The following ADK variants were observed in gnomAD, a reference collection of about 807,000 sequenced individuals.
ADK encodes adenosine kinase.
A neutral mutation model predicts 44.7 loss-of-function variants in ADK; 24 were observed. The observed-to-expected ratio is 0.54, with a 90% CI of 0.39 to 0.76. The LOEUF is 0.76. Among genes scored for constraint, ADK ranks in the 30% least tolerant of loss-of-function variants. ADK has a pLI of 0.00. For missense variants in ADK, 321 were observed against 425.1 expected (o/e 0.76, Z 2.15); for synonymous variants, 128 against 142.6 (o/e 0.90, Z 0.73).
intron 10 of ADK, among the ~76,000 whole-genome samples, chr10:74,685,649 CAT>C (rs1402015684): frequency 1.3e-5 from 2 of 152,116 alleles, no homozygotes; most frequent in South Asian, 2.1e-4. Context: ...AAACAGAAAA[CAT>C]AAAGGATATG....
chr10:74,415,992 A>G (rs1844355019), intron 6 of ADK, among the ~76,000 whole-genome samples: 1 of 149,862 alleles, frequency 6.7e-6, no homozygotes, highest in Non-Finnish European at 1.5e-5. Context: ...ATATATAAAT[A>G]TATATATACA....
intron 3 of ADK, among the ~76,000 whole-genome samples, chr10:74,301,358 C>G (rs571931268): frequency 3.2e-4 from 48 of 151,590 alleles, no homozygotes; most frequent in Admixed American, 1.7e-3. Flanking sequence ...ACTAAAAATA[C>G]AAAAAATTAG....
intron 6 of ADK, among the ~76,000 whole-genome samples, chr10:74,518,845 A>C (rs550814436): frequency 6.6e-6 from 1 of 152,168 alleles, no homozygotes; most frequent in South Asian, 2.1e-4. Context: ...TATTGATTTA[A>C]TGTAGGTTAT....
At chr10:74,406,311 CTAATA>C (rs1299278474) in intron 6 of ADK, among the ~76,000 whole-genome samples, 1 of 151,970 alleles carries the variant, frequency 6.6e-6, no homozygotes, top group African/African-American at 2.4e-5. Context: ...TCCCTCTTAC[CTAATA>C]TGTCTTTTAA....
rs577367061 is a variant in ADK at position 74,333,446 on chromosome 10, A to C, written c.273+18701A>C. Among the ~76,000 whole-genome samples the C allele has an allele frequency of 5.3e-5, 8 of 152,296 alleles. No individual in the cohort carries two copies. In the South Asian group the frequency reaches 1.4e-3, roughly 28 times the overall value. On this transcript the variant is annotated intron_variant, in intron 4 of 10. Coordinates refer to ENST00000539909, the MANE Select transcript of ADK (RefSeq NM_006721.4). ...ATTTTGCTGCCTCCCATGTAACATA[A>C]AACAGATGTTCCATTCTATTAGAAC...
In ADK at chr10:74,640,751, A is replaced by T. The variant is rs1479595237; in HGVS notation, c.878-29432A>T. ...ATGGGTGTGGCTGTATTCCAATAAA[A>T]CTCTATTTATAAAAATAGGCAGCTA... On this transcript the variant is annotated intron_variant, in intron 9 of 10. Coordinates refer to ENST00000539909, the MANE Select transcript of ADK (RefSeq NM_006721.4). 2.0e-5 allele frequency among the ~76,000 whole-genome samples: 3 copies of T among 151,962 alleles called. No individual in the cohort carries two copies. In the East Asian group the frequency reaches 5.8e-4, roughly 29 times the overall value.
Position 74,493,652 on chromosome 10 carries a change from C to G in ADK, c.556-31604C>G, listed in dbSNP as rs146918473. Reference sequence around the variant, plus strand: ...ACCCACCTCAGCCTCCCAAATAATACATTGATTTGGGACAATTCTTAGCAC... The same window carrying G: ...ACCCACCTCAGCCTCCCAAATAATAGATTGATTTGGGACAATTCTTAGCAC... On this transcript the variant is annotated intron_variant, in intron 6 of 10. Transcript: ENST00000539909. 2.0e-5 allele frequency among the ~76,000 whole-genome samples: 3 copies of G among 151,978 alleles called. 1 individual carries two copies. The highest frequency in any genetic ancestry group is 4.2e-4 in the South Asian group (2 of 4,812).
intron 8 of ADK, among the ~76,000 whole-genome samples, chr10:74,597,230 C>T (rs1851955700): frequency 6.6e-6 from 1 of 152,160 alleles, no homozygotes; most frequent in East Asian, 1.9e-4. Flanking sequence ...CATCTTCTTT[C>T]ATCCTCACAA....
intron 10 of ADK, among the ~76,000 whole-genome samples, chr10:74,703,924 G>A (rs1264537097): frequency 6.6e-6 from 1 of 152,200 alleles, no homozygotes; most frequent in Admixed American, 6.5e-5. Flanking sequence ...CACCTGGGTA[G>A]ATGATATGCA....
intron 7 of ADK, among the ~76,000 whole-genome samples, chr10:74,562,729 C>T (rs1367938197): frequency 2.6e-5 from 4 of 152,106 alleles, no homozygotes; most frequent in Admixed American, 6.5e-5. Flanking sequence ...ATTTAGGATC[C>T]TTTTTAATAT....
At chr10:74,630,625 G>A (rs972745656) in intron 9 of ADK, among the ~76,000 whole-genome samples, 4 of 151,998 alleles carry the variant, frequency 2.6e-5, no homozygotes, top group African/African-American at 4.8e-5. Flanking sequence ...AATTAGCCTC[G>A]ATAGTAGTGA....
At position 74,619,181 on chromosome 10, in the gene ADK, C is replaced by G. The variant is rs1168236011; in HGVS notation, c.877+18688C>G. Among the ~76,000 whole-genome samples, 4 of 152,018 alleles carry G rather than the reference C, an allele frequency of 2.6e-5. No homozygotes were observed. The East Asian group carries it at 5.8e-4, about 22-fold the overall frequency. ...TTCAAAACATCCAGTGAGGCTGGGT[C>G]CAGTGGCTCATGCCTGTAATCCCAG... On this transcript the variant is annotated intron_variant, in intron 9 of 10. Coordinates refer to ENST00000539909, the MANE Select transcript of ADK (RefSeq NM_006721.4).
At chr10:74,639,167 A>G (rs1368405362) in intron 9 of ADK, among the ~76,000 whole-genome samples, 1 of 152,228 alleles carries the variant, frequency 6.6e-6, no homozygotes, top group African/African-American at 2.4e-5. Context: ...TAGAAGACAT[A>G]GGGGACTTTC....
intron 6 of ADK, among the ~76,000 whole-genome samples, chr10:74,487,877 A>G (rs746363738): frequency 1.3e-5 from 2 of 152,050 alleles, no homozygotes; most frequent in Non-Finnish European, 2.9e-5. Context: ...TGGCTTATCT[A>G]AAAATCATAT....
intron 3 of ADK, among the ~76,000 whole-genome samples, chr10:74,258,895 T>G (rs1413507214): frequency 6.6e-6 from 1 of 151,900 alleles, no homozygotes; most frequent in Non-Finnish European, 1.5e-5. Flanking sequence ...GTATACATAA[T>G]ATAAGAATTC....
At chr10:74,337,655 C>T (rs1237817550) in intron 4 of ADK, among the ~76,000 whole-genome samples, 1 of 152,150 alleles carries the variant, frequency 6.6e-6, no homozygotes, top group African/African-American at 2.4e-5. Flanking sequence ...ATTACTACAG[C>T]TGGCTTCATT....
intron 4 of ADK, among the ~76,000 whole-genome samples, chr10:74,351,462 A>G (rs2131905812): frequency 6.6e-6 from 1 of 152,336 alleles, no homozygotes; most frequent in Admixed American, 6.5e-5. Flanking sequence ...AGCCAATATC[A>G]TACTGAACAG....
In ADK at chr10:74,441,954, A is replaced by G. The variant is rs527568537; in HGVS notation, c.555+43375A>G. ...GACCCAGGTATATGAAAACATGTGC[A>G]GTGTCCCTAATCATCAAAGAAATAC... On this transcript the variant is annotated intron_variant, in intron 6 of 10. Coordinates refer to ENST00000539909, the MANE Select transcript of ADK (RefSeq NM_006721.4). 6.4e-4 allele frequency among the ~76,000 whole-genome samples: 97 copies of G among 152,166 alleles called. 1 individual carries two copies. The highest frequency in any genetic ancestry group is 1.8e-3 in the Admixed American group (27 of 15,268).
intron 9 of ADK, among the ~76,000 whole-genome samples, chr10:74,618,227 C>G (rs1852849774): frequency 6.6e-6 from 1 of 151,956 alleles, no homozygotes; most frequent in African/African-American, 2.4e-5. Flanking sequence ...TTTGTTCTGT[C>G]TTACATGTGT....
Sources: allele counts gnomAD v4.1 joint callset (sites outside exome capture counted in the v4.1 genomes callset), GRCh38; gene constraint gnomAD v4.1.1; transcripts MANE v1.5; gene names NCBI Gene and HGNC (gene_info 2026-07-23, HGNC 2026-07-21).